Variants in CAPN8 observed in about 807,000 individuals in gnomAD.
CAPN8 encodes calpain-8.
In CAPN8, 87 loss-of-function variants were observed where a neutral mutation model predicts 80.9. The observed-to-expected ratio is 1.07, with a 90% CI of 0.90 to 1.28. The LOEUF (loss-of-function observed/expected upper bound fraction) is 1.28. Ranked by LOEUF, CAPN8 falls within the 50% of genes most tolerant of loss-of-function variation. CAPN8 has a pLI of 0.00. For synonymous variants in CAPN8, 299 were observed against 273.8 expected (o/e 1.09, Z -0.91); for missense variants, 757 against 702.0 (o/e 1.08, Z -0.89).
At chr1:223,556,305 G>A (rs922724454) in intron 13 of CAPN8, among the ~76,000 whole-genome samples, 3 of 150,878 alleles carry the variant, frequency 2.0e-5, no homozygotes, top group Non-Finnish European at 4.4e-5. Flanking sequence ...ATTCTGGGGT[G>A]TGTGTGTGTG....
At chr1:223,555,240 C>T (rs1656877499) in intron 13 of CAPN8, among the ~76,000 whole-genome samples, 1 of 152,204 alleles carries the variant, frequency 6.6e-6, no homozygotes, top group Non-Finnish European at 1.5e-5. Context: ...AATGTTACTT[C>T]ATTTTAAATG....
At chr1:223,619,243 C>T in intron 9 of CAPN8, 50 bp downstream of exon 9, 1 of 1,542,420 alleles carries the variant, frequency 6.5e-7, no homozygotes, top group Non-Finnish European at 8.8e-7. Flanking sequence ...TGACCCAGCT[C>T]AGGGAGGATA....
At position 223,634,944 on chromosome 1, in the gene CAPN8, G is replaced by A. The variant is rs182746421; in HGVS notation, c.308-6164C>T. On this transcript the variant is annotated intron_variant, in intron 2 of 20. Coordinates refer to ENST00000366872, the MANE Select transcript of CAPN8 (RefSeq NM_001143962.2). ...CCAAGAGAGGTAAGAACTTGAAACAGACAGAGGCATAATACCTTTAATCGG... is the reference window on the plus strand; with the variant it reads ...CCAAGAGAGGTAAGAACTTGAAACAAACAGAGGCATAATACCTTTAATCGG... Among the ~76,000 whole-genome samples, 8 of 152,336 alleles carry A rather than the reference G, an allele frequency of 5.3e-5. No individual in the cohort carries two copies. In the East Asian group the frequency reaches 1.5e-3, roughly 29 times the overall value.
chr1:223,635,418 A>G (rs1657890837), intron 2 of CAPN8, among the ~76,000 whole-genome samples: 1 of 152,198 alleles, frequency 6.6e-6, no homozygotes, highest in African/African-American at 2.4e-5. Flanking sequence ...CAGTGTGCCC[A>G]GAATCGACCC....
At chr1:223,632,629 C>G (rs1256139625) in intron 2 of CAPN8, among the ~76,000 whole-genome samples, 2 of 152,212 alleles carry the variant, frequency 1.3e-5, no homozygotes, top group African/African-American at 2.4e-5. Flanking sequence ...CTTGGCCTCT[C>G]TAAGTGCTGG....
In CAPN8 at chr1:223,654,350, T is replaced by TCTGTGCG. The variant is rs1658421338; in HGVS notation, c.280_286dup (p.Asp96AlafsTer11). On this transcript the variant is annotated frameshift_variant, in exon 2 of 21. Coordinates refer to ENST00000366872, the MANE Select transcript of CAPN8 (RefSeq NM_001143962.2). LOFTEE classifies it high-confidence loss of function. ...CTCACCTAGACCACCCTGACAAATG[T>TCTGTGCG]CTGTGCGCGTGGCTCCACCAACGAT... 6.4e-7 allele frequency: 1 copy of TCTGTGCG among 1,551,568 alleles called. No individual in the cohort carries two copies. The highest frequency in any genetic ancestry group is 8.7e-7 in the Non-Finnish European group (1 of 1,146,952).
intron 11 of CAPN8, among the ~76,000 whole-genome samples, chr1:223,609,691 T>C (rs1432724162): frequency 6.6e-6 from 1 of 152,192 alleles, no homozygotes; most frequent in African/African-American, 2.4e-5. Flanking sequence ...TCTAATCCAA[T>C]AGGCTCTTTC....
chr1:223,633,632 AG>A (rs1409813442), intron 2 of CAPN8, among the ~76,000 whole-genome samples: 1 of 152,228 alleles, frequency 6.6e-6, no homozygotes, highest in African/African-American at 2.4e-5. Flanking sequence ...ACTGCACTCC[AG>A]CCTGGACGGC....
At chr1:223,637,676 C>G (rs1434540481) in intron 2 of CAPN8, among the ~76,000 whole-genome samples, 1 of 152,208 alleles carries the variant, frequency 6.6e-6, no homozygotes, top group Non-Finnish European at 1.5e-5. Flanking sequence ...GCCATCATCA[C>G]TCACCAGCAC....
At chr1:223,555,654 G>T (rs965622862) in intron 13 of CAPN8, among the ~76,000 whole-genome samples, 9 of 150,760 alleles carry the variant, frequency 6.0e-5, no homozygotes, top group African/African-American at 2.0e-4. Flanking sequence ...ACATAAAATT[G>T]CATAGGGGAA....
chr1:223,621,622 T>C (rs1163004778), intron 7 of CAPN8, among the ~76,000 whole-genome samples: 6 of 152,168 alleles, frequency 3.9e-5, no homozygotes, highest in Admixed American at 3.9e-4. Context: ...AGGAGGCTCA[T>C]GTGTGGCCCT....
chr1:223,546,885 G>GGTTGTTGTTGTT (rs66949236), intron 16 of CAPN8, among the ~76,000 whole-genome samples: 4 of 149,908 alleles, frequency 2.7e-5, no homozygotes, highest in African/African-American at 5.0e-5. Context: ...TTTGTTTTGT[G>GGTTGTTGTTGTT]GTTGTTGTTG....
rs73127607 is a variant in CAPN8 at position 223,647,626 on chromosome 1, G to A, written c.307+6704C>T. ...CTGTGACTTGTGTTTCTTTTTCCCA[G>A]ATGTGTCCTCAACCTTAGCAAAATA... is the stretch of plus-strand genomic sequence containing the variant. On this transcript the variant is annotated intron_variant, in intron 2 of 20. Transcript: ENST00000366872. Among the ~76,000 whole-genome samples the A allele has an allele frequency of 5.3e-3, 813 of 152,034 alleles. 10 individuals carry two copies. The highest frequency in any genetic ancestry group is 0.018 in the African/African-American group (738 of 41,428).
chr1:223,655,152 T>C (rs1243705287), intron 1 of CAPN8, among the ~76,000 whole-genome samples: 1 of 152,066 alleles, frequency 6.6e-6, no homozygotes, highest in East Asian at 1.9e-4. Context: ...CATAAAGAGA[T>C]TAGAAGAATA....
At chr1:223,543,048 A>T in intron 20 of CAPN8, 60 bp downstream of exon 20, 1 of 1,542,194 alleles carries the variant, frequency 6.5e-7, no homozygotes, top group South Asian at 1.2e-5. Context: ...TGGCAGCTAC[A>T]TGGTCCAAGA....
chr1:223,609,694 G>GCTCTTTCAT (rs1343428055), intron 11 of CAPN8, among the ~76,000 whole-genome samples: 1 of 152,158 alleles, frequency 6.6e-6, no homozygotes, highest in Non-Finnish European at 1.5e-5. Context: ...AATCCAATAG[G>GCTCTTTCAT]CTCTTTCATT....
At chr1:223,548,489 C>A (rs904246333) in intron 16 of CAPN8, among the ~76,000 whole-genome samples, 2 of 152,152 alleles carry the variant, frequency 1.3e-5, no homozygotes, top group African/African-American at 4.8e-5. Context: ...GGAGATGGGC[C>A]TTTGGGAGGT....
At chr1:223,647,405 A>C (rs1283944411) in intron 2 of CAPN8, among the ~76,000 whole-genome samples, 1 of 152,214 alleles carries the variant, frequency 6.6e-6, no homozygotes, top group Non-Finnish European at 1.5e-5. Context: ...AAAAATGCAT[A>C]AATGATTTTT....
intron 2 of CAPN8, among the ~76,000 whole-genome samples, chr1:223,648,358 A>G (rs982959516): frequency 6.6e-6 from 1 of 152,202 alleles, no homozygotes; most frequent in East Asian, 1.9e-4. Flanking sequence ...TCCATAATCA[A>G]TGAGTAGATT....
Sources: gnomAD v4.1 joint callset for allele counts (sites outside exome capture counted in the v4.1 genomes callset) on GRCh38, gnomAD v4.1.1 for gene constraint, MANE v1.5 for transcripts, NCBI Gene and HGNC (gene_info 2026-07-23, HGNC 2026-07-21) for gene names.